Variants in GLIS1 observed in about 807,000 individuals in gnomAD.
GLIS1 encodes GLIS family zinc finger 1.
GLIS1 carries 24 observed loss-of-function variants against 63.8 expected under a neutral mutation model. The observed-to-expected ratio is 0.38, with a 90% CI of 0.27 to 0.53. The LOEUF is 0.53. GLIS1 is among the 20% of genes least tolerant of loss of function. The probability of loss-of-function intolerance (pLI) is 0.85; values close to 1 mark genes in which losing one functional copy is unlikely to be tolerated. For synonymous variants in GLIS1, 450 were observed against 482.5 expected, an observed-to-expected ratio of 0.93 and a Z score of 0.88; for missense variants, 1,036 against 1,074.1, an observed-to-expected ratio of 0.96 and a Z score of 0.50.
At chr1:53,714,196 G>A (rs552360442) in intron 2 of GLIS1, among the ~76,000 whole-genome samples, 10 of 152,282 alleles carry the variant, frequency 6.6e-5, no homozygotes, top group South Asian at 2.1e-4. Context: ...TCCAAGAATC[G>A]CCAACAAGTC....
chr1:53,591,543 C>A (rs928057845), intron 4 of GLIS1, among the ~76,000 whole-genome samples: 1 of 152,198 alleles, frequency 6.6e-6, no homozygotes, highest in African/African-American at 2.4e-5. Flanking sequence ...TCATTCTTAG[C>A]CTCTATTCTT....
intron 4 of GLIS1, among the ~76,000 whole-genome samples, chr1:53,580,163 C>T (rs539844016): frequency 3.7e-4 from 57 of 152,260 alleles, no homozygotes; most frequent in Admixed American, 7.8e-4. Context: ...TCTTACTGGC[C>T]ATGGGACCTC....
chr1:53,718,258 G>A (rs1646719970), intron 2 of GLIS1, among the ~76,000 whole-genome samples: 1 of 152,158 alleles, frequency 6.6e-6, no homozygotes, highest in African/African-American at 2.4e-5. Context: ...GGGGGCACAG[G>A]AGAGTTTTGA....
chr1:53,569,776 C>T (rs571977244), intron 4 of GLIS1, among the ~76,000 whole-genome samples: 34 of 151,434 alleles, frequency 2.2e-4, no homozygotes, highest in African/African-American at 7.5e-4. Flanking sequence ...ATTTAAAAAG[C>T]GATTTTATTT....
intron 2 of GLIS1, among the ~76,000 whole-genome samples, chr1:53,714,929 TTATG>T (rs1258636097): frequency 6.6e-6 from 1 of 152,216 alleles, no homozygotes; most frequent in Non-Finnish European, 1.5e-5. Context: ...TTTTATTTAT[TTATG>T]TATTTATTTA....
At chr1:53,571,317 T>C (rs892142365) in intron 4 of GLIS1, among the ~76,000 whole-genome samples, 1 of 152,226 alleles carries the variant, frequency 6.6e-6, no homozygotes, top group African/African-American at 2.4e-5. Flanking sequence ...ACAACCACTT[T>C]TGAAAACAAG....
At chr1:53,608,824 G>C (rs1349618138) in intron 2 of GLIS1, among the ~76,000 whole-genome samples, 1 of 152,174 alleles carries the variant, frequency 6.6e-6, no homozygotes, top group East Asian at 1.9e-4. Flanking sequence ...ACAGTGAATG[G>C]CTCAGAGAGA....
At chr1:53,568,726 G>A (rs1644957372) in intron 4 of GLIS1, among the ~76,000 whole-genome samples, 1 of 152,138 alleles carries the variant, frequency 6.6e-6, no homozygotes, top group African/African-American at 2.4e-5. Flanking sequence ...CCCCTTCTCT[G>A]TCTCCTGCTC....
At chr1:53,547,043 C>T (rs1409430413) in intron 4 of GLIS1, among the ~76,000 whole-genome samples, 1 of 152,256 alleles carries the variant, frequency 6.6e-6, no homozygotes, top group Non-Finnish European at 1.5e-5. Context: ...GTGCTCAGGG[C>T]ATGCTTGCTG....
At chr1:53,677,986 G>A (rs1378445694) in intron 2 of GLIS1, among the ~76,000 whole-genome samples, 1 of 152,130 alleles carries the variant, frequency 6.6e-6, no homozygotes, top group African/African-American at 2.4e-5. Context: ...AGATACACCT[G>A]AGGTCCCCAC....
Position 53,708,144 on chromosome 1 carries a change from G to A in GLIS1, c.259+29662C>T, listed in dbSNP as rs569097666. Among the ~76,000 whole-genome samples, 319 of 152,120 alleles carry A rather than the reference G, an allele frequency of 2.1e-3. 2 individuals carry two copies. The highest frequency in any genetic ancestry group is 7.4e-3 in the African/African-American group (306 of 41,518). On this transcript the variant is annotated intron_variant, in intron 2 of 10. Coordinates refer to ENST00000628545, the MANE Select transcript of GLIS1 (RefSeq NM_001367484.1). ...AAAAATACAAAAAAATTAGCTGGGCGTGGTGGGGGATGCCTGTAGTCCCAG... is the reference window on the plus strand; with the variant it reads ...AAAAATACAAAAAAATTAGCTGGGCATGGTGGGGGATGCCTGTAGTCCCAG...
At chr1:53,508,508 G>A (rs1233894263) in intron 10 of GLIS1, among the ~76,000 whole-genome samples, 1 of 152,192 alleles carries the variant, frequency 6.6e-6, no homozygotes, top group Non-Finnish European at 1.5e-5. Flanking sequence ...TTCAGGGAGG[G>A]TCTAGCCCCT....
At chr1:53,679,803 C>T (rs1462727022) in intron 2 of GLIS1, among the ~76,000 whole-genome samples, 1 of 152,232 alleles carries the variant, frequency 6.6e-6, no homozygotes, top group South Asian at 2.1e-4. Context: ...TGCTGACACA[C>T]GGTGGACAAT....
At chr1:53,549,962 C>T (rs1644742190) in intron 4 of GLIS1, among the ~76,000 whole-genome samples, 1 of 152,210 alleles carries the variant, frequency 6.6e-6, no homozygotes, top group South Asian at 2.1e-4. Flanking sequence ...CACCCTTGAG[C>T]TAGCACTCCA....
At chr1:53,665,541 C>G (rs1646081755) in intron 2 of GLIS1, among the ~76,000 whole-genome samples, 1 of 152,086 alleles carries the variant, frequency 6.6e-6, no homozygotes, top group South Asian at 2.1e-4. Context: ...CCCAGCTACT[C>G]AGGAGGCTGA....
At chr1:53,529,388 G>A (rs1431469691) in intron 5 of GLIS1, among the ~76,000 whole-genome samples, 3 of 152,204 alleles carry the variant, frequency 2.0e-5, no homozygotes, top group South Asian at 2.1e-4. Context: ...CTGCTCTGGC[G>A]TGGCTGACAG....
At chr1:53,663,394 G>A (rs922922009) in intron 2 of GLIS1, among the ~76,000 whole-genome samples, 4 of 152,218 alleles carry the variant, frequency 2.6e-5, no homozygotes, top group Admixed American at 2.0e-4. Context: ...GACGGCAAGC[G>A]AACGGCTCCT....
chr1:53,612,134 C>A (rs1013040927), intron 2 of GLIS1, among the ~76,000 whole-genome samples: 3 of 152,234 alleles, frequency 2.0e-5, no homozygotes, highest in Admixed American at 6.5e-5. Flanking sequence ...ACCTAGCCCA[C>A]TTCTCAACTT....
intron 2 of GLIS1, among the ~76,000 whole-genome samples, chr1:53,719,160 A>G (rs898044436): frequency 2.0e-5 from 3 of 152,210 alleles, no homozygotes; most frequent in African/African-American, 7.2e-5. Flanking sequence ...GGCAGAAACA[A>G]TGCAGCCACC....
Sources: gnomAD v4.1 joint callset for allele counts (sites outside exome capture counted in the v4.1 genomes callset) on GRCh38, gnomAD v4.1.1 for gene constraint, MANE v1.5 for transcripts, NCBI Gene and HGNC (gene_info 2026-07-23, HGNC 2026-07-21) for gene names.